PGM3: variants seen among roughly 807,000 people sequenced by gnomAD.
PGM3 encodes phosphoglucomutase 3, also known as phosphoacetylglucosamine mutase.
In PGM3, 40 loss-of-function variants were observed where a neutral mutation model predicts 66.2. That is an observed-to-expected ratio of 0.60 (90% CI 0.47 to 0.79). PGM3 has a LOEUF of 0.79. Ranked by LOEUF, PGM3 falls within the 30% of genes least tolerant of loss-of-function variation. The probability of loss-of-function intolerance (pLI) is 0.00; values close to 1 mark genes in which losing one functional copy is unlikely to be tolerated. For synonymous variants in PGM3, 191 were observed against 224.2 expected (o/e 0.85, Z 1.32); for missense variants, 537 against 643.4 (o/e 0.83, Z 1.79).
Position 83,191,242 on chromosome 6 carries a change from A to G in PGM3, c.-2-228T>C. ...ACTCCTGGGCAGACTCAGGGCAGAT[A>G]GCAGATTGTCCCCACTCTCCTCCCA... is the stretch of plus-strand genomic sequence containing the variant. On this transcript the variant is annotated intron_variant, in intron 1 of 12. Coordinates refer to ENST00000513973, the MANE Select transcript of PGM3 (RefSeq NM_015599.3). 2.0e-6 allele frequency: 3 copies of G among 1,535,408 alleles called. No individual in the cohort carries two copies. The highest frequency in any genetic ancestry group is 2.4e-5 in the South Asian group (2 of 84,052).
chr6:83,153,224 C>T, the PGM3 span, among the ~76,000 whole-genome samples: 1 of 152,098 alleles, frequency 6.6e-6, no homozygotes, highest in African/African-American at 2.4e-5. Context: ...GTACTAAATT[C>T]ACTGTTTACT....
chr6:83,150,570 A>G, the PGM3 span, among the ~76,000 whole-genome samples: 9 of 152,190 alleles, frequency 5.9e-5, no homozygotes, highest in African/African-American at 2.2e-4. Flanking sequence ...CTGATCCTCT[A>G]AAATTACCTA....
In PGM3 at chr6:83,186,914, T is replaced by A. The variant is rs477061; in HGVS notation, c.457+94A>T. On this transcript the variant is annotated intron_variant, in intron 4 of 12. Coordinates refer to ENST00000513973, the MANE Select transcript of PGM3 (RefSeq NM_015599.3). ...TTTTTAAACATTTTTTGTTCATCTG[T>A]ATTTTCAAACTTTTCTAAATAAATA... The A allele has an allele frequency of 0.23, 147,508 of 652,344 alleles. 17,264 individuals are homozygous for A. Among genetic ancestry groups the A allele is most frequent in the Non-Finnish European group, 0.24 (91,861 of 387,270 alleles). The allele number at this position is 652,344 out of a possible 1,614,324, so 40.4% of individuals were successfully genotyped here. A position where few individuals can be genotyped will look rare whatever the true frequency, so the allele number is the denominator to read the frequency against.
At chr6:83,161,463 C>T (rs912433556), downstream of PGM3, among the ~76,000 whole-genome samples, 16 of 151,754 alleles carry the variant, frequency 1.1e-4, no homozygotes, top group Admixed American at 5.9e-4. Flanking sequence ...CTATAAAGTT[C>T]GAAAGATAGC....
At position 83,166,533 on chromosome 6, in the gene PGM3, A is replaced by C; in HGVS notation, c.*2701T>G. On this transcript the variant is annotated 3_prime_UTR_variant, in exon 13 of 13. Coordinates refer to ENST00000513973, the MANE Select transcript of PGM3 (RefSeq NM_015599.3). ...AACATCATTTCCATAGTCTAAAATA[A>C]ATATAAACAGCAATAAGTCATTAGC... 5.9e-6 allele frequency: 4 copies of C among 676,014 alleles called. No homozygotes were observed. The highest frequency in any genetic ancestry group is 1.1e-5 in the Non-Finnish European group (4 of 376,932). 41.9% of individuals were successfully genotyped at this position (676,014 alleles called of 1,614,324 possible).
intron 9 of PGM3, among the ~76,000 whole-genome samples, chr6:83,174,961 G>A (rs1374707397): frequency 2.0e-5 from 3 of 152,156 alleles, no homozygotes; most frequent in African/African-American, 7.2e-5. Flanking sequence ...GGCAAATAAT[G>A]TCATGGATAG....
At chr6:83,153,507 A>T in the PGM3 span, 2 of 1,577,746 alleles carry the variant, frequency 1.3e-6, no homozygotes, top group African/African-American at 1.4e-5. Context: ...TTATGTTTTC[A>T]TAGGTTTTGG....
rs573818745 is a variant in PGM3 at position 83,167,344 on chromosome 6, C to T, written c.*1890G>A. 162 of 985,144 alleles carry T rather than the reference C, an allele frequency of 1.6e-4. 1 individual carries two copies. In the South Asian group the frequency reaches 6.2e-3, roughly 38 times the overall value. The allele number at this position is 985,144 out of a possible 1,614,324, so 61.0% of individuals were successfully genotyped here. On this transcript the variant is annotated 3_prime_UTR_variant, in exon 13 of 13. Transcript: ENST00000513973. ...GGGATCCCTTCCTTTCTCTGTGATGCAGTACTGACAGTAATTATTCACTTT... is the reference window on the plus strand; with the variant it reads ...GGGATCCCTTCCTTTCTCTGTGATGTAGTACTGACAGTAATTATTCACTTT...
At chr6:83,170,610 G>T in intron 11 of PGM3, 132 bp from the exon 12 acceptor site, 1 of 725,434 alleles carries the variant, frequency 1.4e-6, no homozygotes, top group Non-Finnish European at 2.2e-6. Flanking sequence ...TCCAAGGTCA[G>T]GGTAATTAAT....
intron 2 of PGM3, among the ~76,000 whole-genome samples, chr6:83,189,599 G>A (rs2128507560): frequency 6.6e-6 from 1 of 152,298 alleles, no homozygotes; most frequent in South Asian, 2.1e-4. Flanking sequence ...TTAACTTGCT[G>A]CTGATTTAGC....
At chr6:83,154,342 G>A in the PGM3 span, 1 of 1,089,164 alleles carries the variant, frequency 9.2e-7, no homozygotes, top group South Asian at 1.4e-5. Flanking sequence ...TACTGAATTA[G>A]CTCTTTGTCA....
chr6:83,174,530 A>C (rs1787606480), intron 9 of PGM3, 43 bp from the exon 10 acceptor site: 1 of 1,038,708 alleles, frequency 9.6e-7, no homozygotes, highest in East Asian at 2.6e-5. Flanking sequence ...ACACTATCCA[A>C]AACCTAGTCA....
At position 83,173,695 on chromosome 6, in the gene PGM3, C is replaced by T. The variant is rs1261965366; in HGVS notation, c.1242+679G>A. 2.6e-5 allele frequency among the ~76,000 whole-genome samples: 4 copies of T among 152,290 alleles called. No homozygotes were observed. In the East Asian group the frequency reaches 7.7e-4, roughly 29 times the overall value. ...CCATAGCCAAACGACACTCCAACCC[C>T]AACTAACCCACATGTATGTCCTTTG... On this transcript the variant is annotated intron_variant, in intron 10 of 12. Coordinates refer to ENST00000513973, the MANE Select transcript of PGM3 (RefSeq NM_015599.3).
At chr6:83,156,402 G>A (rs1342976139), downstream of PGM3, among the ~76,000 whole-genome samples, 2 of 152,308 alleles carry the variant, frequency 1.3e-5, no homozygotes, top group South Asian at 2.1e-4. Flanking sequence ...ATGTTAGCAT[G>A]TTCTCCTTGT....
At chr6:83,152,710 C>T in the PGM3 span, among the ~76,000 whole-genome samples, 3 of 151,444 alleles carry the variant, frequency 2.0e-5, no homozygotes, top group East Asian at 3.9e-4. Flanking sequence ...CTCTGCCTCC[C>T]GGGCTCAAGC....
At chr6:83,176,700 A>G (rs1383458082) in intron 8 of PGM3, among the ~76,000 whole-genome samples, 2 of 152,228 alleles carry the variant, frequency 1.3e-5, no homozygotes, top group East Asian at 3.9e-4. Context: ...GGAAAGATTG[A>G]TAGTAGAAAA....
the PGM3 span, chr6:83,152,320 A>G: frequency 7.6e-6 from 12 of 1,575,816 alleles, no homozygotes; most frequent in Non-Finnish European, 1.0e-5. Context: ...AACCGCAAAC[A>G]TAACTCCTTC....
chr6:83,157,957 T>C (rs908953507), downstream of PGM3, among the ~76,000 whole-genome samples: 1 of 152,108 alleles, frequency 6.6e-6, no homozygotes, highest in South Asian at 2.1e-4. Flanking sequence ...GCTTTATAGT[T>C]TCCCTGCAAA....
the PGM3 span, chr6:83,151,564 C>G: frequency 4.7e-5 from 73 of 1,560,688 alleles, 1 homozygote; most frequent in African/African-American, 7.3e-4. Flanking sequence ...TGATATTTCC[C>G]GTTTCTGTTT....
Sources: gnomAD v4.1 joint callset for allele counts (sites outside exome capture counted in the v4.1 genomes callset) on GRCh38, gnomAD v4.1.1 for gene constraint, MANE v1.5 for transcripts, NCBI Gene and HGNC (gene_info 2026-07-23, HGNC 2026-07-21) for gene names.